The following ATP8B4 variants were observed in gnomAD, a reference collection of about 807,000 sequenced individuals.
ATP8B4 encodes ATPase phospholipid transporting 8B4 (putative), also known as probable phospholipid-transporting ATPase IM.
ATP8B4 carries 133 observed loss-of-function variants against 145.6 expected under a neutral mutation model. That is an observed-to-expected ratio of 0.91 (90% CI 0.79 to 1.05). ATP8B4 has a LOEUF of 1.05. Among genes scored for constraint, ATP8B4 ranks in the 50% least tolerant of loss-of-function variants. The pLI is 0.00. For missense variants in ATP8B4, 1,458 were observed against 1,425.2 expected, an observed-to-expected ratio of 1.02 and a Z score of -0.37; for synonymous variants, 507 against 492.9, an observed-to-expected ratio of 1.03 and a Z score of -0.38.
At chr15:50,043,301 T>C (rs191892529) in intron 5 of ATP8B4, among the ~76,000 whole-genome samples, 2 of 152,356 alleles carry the variant, frequency 1.3e-5, no homozygotes, top group East Asian at 3.9e-4. Flanking sequence ...GACTTTAAAA[T>C]TCTCTATTGC....
chr15:50,006,306 C>T (rs1433819015), intron 7 of ATP8B4, among the ~76,000 whole-genome samples: 1 of 150,776 alleles, frequency 6.6e-6, no homozygotes, highest in Non-Finnish European at 1.5e-5. Flanking sequence ...AAATCCTTGC[C>T]TGAATATTTT....
chr15:49,950,615 C>CAAAAAAAAAAAAAA (rs1189915156), intron 14 of ATP8B4, among the ~76,000 whole-genome samples: 1 of 79,980 alleles, frequency 1.3e-5, no homozygotes, highest in African/African-American at 5.0e-5. Flanking sequence ...AACAAACAAA[C>CAAAAAAAAAAAAAA]AAACAAAAAA....
intron 4 of ATP8B4, among the ~76,000 whole-genome samples, chr15:50,046,783 T>C (rs984535952): frequency 1.3e-5 from 2 of 152,116 alleles, no homozygotes; most frequent in African/African-American, 4.8e-5. Context: ...TCCCAAAATA[T>C]CCATAAAAGC....
chr15:50,019,969 T>A (rs777643598), intron 6 of ATP8B4, among the ~76,000 whole-genome samples: 23 of 46,104 alleles, frequency 5.0e-4, no homozygotes, highest in African/African-American at 7.0e-4. Flanking sequence ...GCCAAATGAC[T>A]TTTTTTTTTT....
intron 2 of ATP8B4, among the ~76,000 whole-genome samples, chr15:50,090,644 C>T (rs939671943): frequency 6.6e-6 from 1 of 152,068 alleles, no homozygotes; most frequent in Non-Finnish European, 1.5e-5. Flanking sequence ...ATTTCTGTTT[C>T]GTTTTTAAAA....
intron 26 of ATP8B4, 60 bp downstream of exon 26, chr15:49,866,281 ATAAAT>A: frequency 1.3e-6 from 2 of 1,551,498 alleles, no homozygotes; most frequent in African/African-American, 2.8e-5. Context: ...AACACAAAAA[ATAAAT>A]TATAAGACAA....
intron 1 of ATP8B4, among the ~76,000 whole-genome samples, chr15:50,160,507 G>A (rs953923166): frequency 3.3e-5 from 5 of 149,292 alleles, no homozygotes; most frequent in African/African-American, 1.2e-4. Flanking sequence ...TTTTTTTAAT[G>A]TAGATACTGC....
intron 10 of ATP8B4, among the ~76,000 whole-genome samples, chr15:49,984,942 G>C (rs2046458490): frequency 6.6e-6 from 1 of 152,142 alleles, no homozygotes; most frequent in Non-Finnish European, 1.5e-5. Flanking sequence ...GGCATTACCA[G>C]GGAGGTGTAG....
chr15:49,860,587 CA>C, intron 27 of ATP8B4, 112 bp from the exon 28 acceptor site: 1 of 1,270,116 alleles, frequency 7.9e-7, no homozygotes, highest in Non-Finnish European at 1.1e-6. Flanking sequence ...AACAACATTG[CA>C]AAAGGAAGTT....
chr15:50,016,629 G>A (rs1222041189), intron 6 of ATP8B4, among the ~76,000 whole-genome samples: 1 of 152,120 alleles, frequency 6.6e-6, no homozygotes. Context: ...CTTTACAATA[G>A]GATCAAGGGG....
intron 11 of ATP8B4, among the ~76,000 whole-genome samples, chr15:49,980,048 C>T (rs2046019859): frequency 6.6e-6 from 1 of 152,176 alleles, no homozygotes. Flanking sequence ...ATTATCCCCA[C>T]TTTACAGTTT....
At chr15:49,999,467 T>C (rs1030461648) in intron 8 of ATP8B4, among the ~76,000 whole-genome samples, 14 of 151,700 alleles carry the variant, frequency 9.2e-5, no homozygotes, top group Non-Finnish European at 1.8e-4. Context: ...CACACCAGCA[T>C]GGCACATGTA....
chr15:50,034,931 T>C (rs976061064), intron 6 of ATP8B4, among the ~76,000 whole-genome samples: 1 of 152,228 alleles, frequency 6.6e-6, no homozygotes, highest in Admixed American at 6.5e-5. Flanking sequence ...TTGCCAACAG[T>C]ATCTTGTAGC....
At chr15:50,015,405 A>G (rs1007877121) in intron 6 of ATP8B4, among the ~76,000 whole-genome samples, 51 of 152,226 alleles carry the variant, frequency 3.4e-4, no homozygotes, top group African/African-American at 1.2e-3. Flanking sequence ...AACTTGGCCA[A>G]GGTCACATAT....
chr15:49,882,028 A>C (rs925240146), intron 23 of ATP8B4, among the ~76,000 whole-genome samples: 7 of 152,294 alleles, frequency 4.6e-5, no homozygotes, highest in African/African-American at 1.7e-4. Flanking sequence ...GGGCTAGCCA[A>C]CTGTCCTGCT....
At chr15:50,164,212 G>A (rs2044563514) in intron 1 of ATP8B4, among the ~76,000 whole-genome samples, 2 of 152,100 alleles carry the variant, frequency 1.3e-5, no homozygotes, top group South Asian at 2.1e-4. Context: ...GTCTCTCTCT[G>A]TAGCCACCAC....
chr15:50,174,056 C>T (rs1257258118), intron 1 of ATP8B4, among the ~76,000 whole-genome samples: 1 of 152,170 alleles, frequency 6.6e-6, no homozygotes, highest in African/African-American at 2.4e-5. Context: ...ATGATCATCT[C>T]AATAGATGCA....
intron 13 of ATP8B4, among the ~76,000 whole-genome samples, chr15:49,966,704 A>G (rs28868411): frequency 6.6e-6 from 1 of 152,208 alleles, no homozygotes; most frequent in East Asian, 1.9e-4. Context: ...CAGCAGAATT[A>G]TATGTTCCTG....
intron 2 of ATP8B4, among the ~76,000 whole-genome samples, chr15:50,080,158 A>C (rs1166886178): frequency 6.6e-6 from 1 of 152,214 alleles, no homozygotes; most frequent in African/African-American, 2.4e-5. Context: ...TAAATCCCCC[A>C]AAATCATAAA....
Sources: gnomAD v4.1 joint callset for allele counts (sites outside exome capture counted in the v4.1 genomes callset) on GRCh38, gnomAD v4.1.1 for gene constraint, MANE v1.5 for transcripts, NCBI Gene and HGNC (gene_info 2026-07-23, HGNC 2026-07-21) for gene names.